Variants in RASAL1 observed in about 807,000 individuals in gnomAD.
The protein encoded by RASAL1 is rasGAP-activating-like protein 1.
A neutral mutation model predicts 96.6 loss-of-function variants in RASAL1; 72 were observed. The observed-to-expected ratio is 0.75, with a 90% CI of 0.62 to 0.91. The LOEUF (loss-of-function observed/expected upper bound fraction) is 0.91. Among genes scored for constraint, RASAL1 ranks in the 40% least tolerant of loss-of-function variants. RASAL1 has a pLI of 0.00. For synonymous variants in RASAL1, 405 were observed against 430.4 expected, an observed-to-expected ratio of 0.94 and a Z score of 0.73; for missense variants, 1,016 against 1,072.5, an observed-to-expected ratio of 0.95 and a Z score of 0.74.
Position 113,119,247 on chromosome 12 carries a change from T to C in RASAL1, c.523A>G (p.Thr175Ala). Residue 175 changes from threonine to alanine, a missense_variant, in exon 7 of 21, where the codon ACT becomes GCT. Transcript: ENST00000548055. ...ACTTCATCCCAGTGCGGGAAGCGAG[T>C]CTTCTTGATGGTCTGAGGGCGAAGG... ...QSLETSTIKK[T>A]RFPHWDEVLE... 1 of 1,612,844 alleles carries C rather than the reference T, an allele frequency of 6.2e-7. No individual in the cohort carries two copies. The highest frequency in any genetic ancestry group is 8.5e-7 in the Non-Finnish European group (1 of 1,179,118).
At chr12:113,131,192 A>G (rs1447265319) in intron 1 of RASAL1, among the ~76,000 whole-genome samples, 1 of 138,598 alleles carries the variant, frequency 7.2e-6, no homozygotes, top group African/African-American at 2.7e-5. Flanking sequence ...GCCTGAGGCC[A>G]GCAGGTTCTG....
rs781389743 is a variant in RASAL1 at position 113,099,883 on chromosome 12, G to T, written c.*46C>A. On this transcript the variant is annotated 3_prime_UTR_variant, in exon 21 of 21. Coordinates refer to ENST00000548055, the MANE Select transcript of RASAL1 (RefSeq NM_001301202.2). The stretch of plus-strand genomic sequence containing the variant: ...CCCGGGGCAGGATGCGCTGAAGAGG[G>T]CCCCCTGGCTCTTGCTCCTCCTTCC... 3.8e-6 allele frequency: 6 copies of T among 1,577,832 alleles called. No individual in the cohort carries two copies. In the Admixed American group the frequency reaches 1.0e-4, roughly 28 times the overall value.
At chr12:113,117,664 C>T (rs1214278087) in intron 7 of RASAL1, among the ~76,000 whole-genome samples, 6 of 152,242 alleles carry the variant, frequency 3.9e-5, no homozygotes, top group Non-Finnish European at 7.4e-5. Context: ...TTAGTTGTGC[C>T]GCTGATTCCA....
At chr12:113,131,922 A>G (rs993340576) in intron 1 of RASAL1, among the ~76,000 whole-genome samples, 1 of 151,568 alleles carries the variant, frequency 6.6e-6, no homozygotes, top group Admixed American at 6.6e-5. Flanking sequence ...TGTCCTATCT[A>G]AAATGACCTC....
At chr12:113,121,748 G>A in intron 4 of RASAL1, 110 bp from the exon 5 acceptor site, 1 of 1,268,898 alleles carries the variant, frequency 7.9e-7, no homozygotes, top group South Asian at 1.5e-5. Flanking sequence ...TTGACACAGG[G>A]TCTGGTTCTG....
chr12:113,106,928 G>A (rs1950666887), intron 15 of RASAL1, among the ~76,000 whole-genome samples, 169 bp downstream of exon 15: 1 of 152,204 alleles, frequency 6.6e-6, no homozygotes, highest in Non-Finnish European at 1.5e-5. Context: ...CAGCACCTGA[G>A]CTCTGTTCAT....
chr12:113,135,266 T>C lies in RASAL1; in HGVS notation c.65+132A>G. The C allele has an allele frequency of 2.5e-6, 2 of 807,650 alleles. No homozygotes were observed. The highest frequency in any genetic ancestry group is 5.7e-5 in the East Asian group (2 of 35,370). 50.0% of individuals were successfully genotyped at this position (807,650 alleles called of 1,614,324 possible). A position where few individuals can be genotyped will look rare whatever the true frequency, so the allele number is the denominator to read the frequency against. Reference sequence around the variant, plus strand: ...GCCTCTCGCCCCTTTAAAGCGGAACTGCCCCAAGACCAGTCTTGGACAAGA... The same window carrying C: ...GCCTCTCGCCCCTTTAAAGCGGAACCGCCCCAAGACCAGTCTTGGACAAGA... On this transcript the variant is annotated intron_variant, in intron 1 of 20. Coordinates refer to ENST00000548055, the MANE Select transcript of RASAL1 (RefSeq NM_001301202.2). This position sits in a 1 kb window ranked among gnomAD's most constrained non-coding sequence, Gnocchi z 5.7.
Position 113,115,251 on chromosome 12 carries a change from G to A in RASAL1, c.1017C>T (p.Thr339=). Residue 339 remains threonine, a synonymous_variant, in exon 11 of 21, where the codon ACC becomes ACT. Transcript: ENST00000548055. The surrounding 1 kb of genome is among the most constrained non-coding windows in gnomAD (Gnocchi z 4.1). ...ATGCCAGGGAGTTAGAACGGAAGAGGGTGTTGGGGTCCACTGGGAGGACAG... is the reference window on the plus strand; with the variant it reads ...ATGCCAGGGAGTTAGAACGGAAGAGAGTGTTGGGGTCCACTGGGAGGACAG... ...REVARTMDPN[T]LFRSNSLASK... is the part of the protein sequence containing the mutation. The A allele has an allele frequency of 6.2e-7, 1 of 1,613,774 alleles. No individual in the cohort carries two copies. The highest frequency in any genetic ancestry group is 8.5e-7 in the Non-Finnish European group (1 of 1,179,682).
At chr12:113,120,934 T>C (rs892413915) in intron 5 of RASAL1, among the ~76,000 whole-genome samples, 2 of 152,190 alleles carry the variant, frequency 1.3e-5, no homozygotes, top group African/African-American at 4.8e-5. Context: ...GTGCCCCAGC[T>C]TGAGCCAGTA....
In RASAL1 at chr12:113,125,122, CAT is replaced by C. The variant is rs535584621; in HGVS notation, c.298+2688_298+2689del. Among the ~76,000 whole-genome samples the C allele has an allele frequency of 1.3e-3, 200 of 150,380 alleles. 5 individuals carry two copies. The East Asian group carries it at 0.025, about 19-fold the overall frequency. On this transcript the variant is annotated intron_variant, in intron 4 of 20. Transcript: ENST00000548055. ...TAAAAAAAAAAAAAAAATACATATA[CAT>C]ATATGTGTGTGTGTTTGTGTATGTA...
chr12:113,111,476 T>C (rs894512167), intron 13 of RASAL1, among the ~76,000 whole-genome samples: 9 of 152,172 alleles, frequency 5.9e-5, no homozygotes, highest in Non-Finnish European at 5.9e-5. Flanking sequence ...GGTATCCACC[T>C]CACAGGCTGC....
chr12:113,113,894 C>T (rs1010942180), intron 12 of RASAL1, among the ~76,000 whole-genome samples: 8 of 152,176 alleles, frequency 5.3e-5, no homozygotes, highest in African/African-American at 1.9e-4. Flanking sequence ...TGCAGGCAGG[C>T]CCACTCAGAG....
intron 15 of RASAL1, among the ~76,000 whole-genome samples, 176 bp downstream of exon 15, chr12:113,106,921 C>T (rs1950666781): frequency 1.3e-5 from 2 of 152,204 alleles, no homozygotes. Flanking sequence ...TGGAGGACAG[C>T]ACCTGAGCTC....
Position 113,104,253 on chromosome 12 carries a change from C to G in RASAL1, c.1876G>C (p.Val626Leu). ...GGCAGTTGGAAGGCGCCCTCGTCTA[C>G]GCGCTCCACGGCGCGGATGTGAGAC... ...PVSHIRAVERVDEGAFQLPHV... is the reference protein window; with the variant it reads ...PVSHIRAVERLDEGAFQLPHV... Residue 626 changes from valine to leucine, a missense_variant, in exon 17 of 21, where the codon GTA becomes CTA. Transcript: ENST00000548055. 6.3e-7 allele frequency: 1 copy of G among 1,595,674 alleles called. No homozygotes were observed. Among genetic ancestry groups the G allele is most frequent in the Non-Finnish European group, 8.5e-7 (1 of 1,171,408 alleles).
intron 19 of RASAL1, 87 bp downstream of exon 19, chr12:113,101,791 CACATGGGAAGA>C (rs1566031299): frequency 6.9e-7 from 1 of 1,455,282 alleles, no homozygotes. Flanking sequence ...TCCACCAACA[CACATGGGAAGA>C]ATGAATAAAT....
chr12:113,120,358 C>G (rs551898547), intron 5 of RASAL1, among the ~76,000 whole-genome samples: 1 of 152,208 alleles, frequency 6.6e-6, no homozygotes. Context: ...CCTCTGCCCC[C>G]TGCTGAGTCC....
intron 7 of RASAL1, among the ~76,000 whole-genome samples, chr12:113,118,836 G>A (rs1021702895): frequency 6.6e-6 from 1 of 152,162 alleles, no homozygotes; most frequent in Admixed American, 6.5e-5. Flanking sequence ...CTCTGTGGGA[G>A]GGACACTCAG....
At chr12:113,105,638 C>T in intron 16 of RASAL1, 76 bp downstream of exon 16, 2 of 1,442,716 alleles carry the variant, frequency 1.4e-6, no homozygotes, top group Non-Finnish European at 1.9e-6. Context: ...GCCTCAGTTT[C>T]CCCCTGGGTA....
At chr12:113,127,409 G>A (rs1009361754) in intron 4 of RASAL1, among the ~76,000 whole-genome samples, 2 of 152,166 alleles carry the variant, frequency 1.3e-5, no homozygotes, top group Non-Finnish European at 2.9e-5. Flanking sequence ...ACTTTGGGAG[G>A]CCAAGGTGGG....
Sources: allele counts gnomAD v4.1 joint callset (sites outside exome capture counted in the v4.1 genomes callset), GRCh38; gene constraint gnomAD v4.1.1; non-coding constraint Gnocchi (gnomAD v3.1); transcripts MANE v1.5; gene names NCBI Gene and HGNC (gene_info 2026-07-23, HGNC 2026-07-21).